The following LOX variants were observed in gnomAD, a reference collection of about 807,000 sequenced individuals.
LOX encodes the protein protein-lysine 6-oxidase.
In LOX, 12 loss-of-function variants were observed where a neutral mutation model predicts 50.5. That is an observed-to-expected ratio of 0.24 (90% CI 0.15 to 0.38). LOX has a LOEUF of 0.38. Ranked by LOEUF, LOX falls within the 10% of genes least tolerant of loss-of-function variation. The pLI, the probability that LOX is intolerant of heterozygous loss-of-function variation, is 1.00. For missense variants in LOX, 504 were observed against 563.8 expected (o/e 0.89, Z 1.07); for synonymous variants, 254 against 230.6 (o/e 1.10, Z -0.92).
At chr5:122,068,942 C>T (rs371151482) in intron 6 of LOX, among the ~76,000 whole-genome samples, 7 of 151,970 alleles carry the variant, frequency 4.6e-5, no homozygotes, top group South Asian at 4.2e-4. Context: ...CGGTGGGGGT[C>T]GGGGGTTGGT....
intron 4 of LOX, among the ~76,000 whole-genome samples, chr5:122,071,189 T>G (rs933155833): frequency 8.1e-6 from 1 of 123,846 alleles, no homozygotes; most frequent in African/African-American, 3.6e-5. Flanking sequence ...TCGTAAACAT[T>G]TATATGTGTG....
chr5:122,070,373 TATAA>T (rs1314282194), intron 5 of LOX, 117 bp downstream of exon 5: 2 of 653,524 alleles, frequency 3.1e-6, no homozygotes, highest in African/African-American at 1.8e-5. Context: ...TTAGATTGTT[TATAA>T]ATAGTTTGAG....
chr5:122,077,891 G>C lies in LOX; in HGVS notation c.95C>G (p.Pro32Arg), dbSNP rs780762236. ...GCCCGGAGCCGCCGGCGGCTCGCGC[G>C]GGGGCTGCTGTTGGCCGGCGGCGGG... ...APPAAGQQQP[P>R]REPPAAPGAW... Residue 32 changes from proline to arginine, a missense_variant, in exon 1 of 7, where the codon CCG (proline) becomes CGG (arginine). Pro to Arg is a moderately radical substitution (Grantham distance 103). Around this residue, in one of 2 missense-constraint regions of LOX, gnomAD observed 398 missense variants for 365.8 expected, o/e 1.09. Transcript: ENST00000231004. The surrounding 1 kb of genome is among the most constrained non-coding windows in gnomAD (Gnocchi z 4.9). 27 of 1,527,574 alleles carry C rather than the reference G, an allele frequency of 1.8e-5. No individual in the cohort carries two copies. The highest frequency in any genetic ancestry group is 2.4e-5 in the Non-Finnish European group (27 of 1,145,388). The allele number at this position is 1,527,574 out of a possible 1,614,324, so 94.6% of individuals were successfully genotyped here.
intron 4 of LOX, 136 bp downstream of exon 4, chr5:122,073,877 T>A: frequency 2.6e-6 from 2 of 769,850 alleles, no homozygotes; most frequent in Admixed American, 4.6e-5. Flanking sequence ...TCTACAGTTT[T>A]CTTTGAGAAC....
rs1289994870 is a variant in LOX, at chr5:122,074,010, T to C, written c.1035+3A>G. 1 of 1,611,084 alleles carries C rather than the reference T, an allele frequency of 6.2e-7. No individual in the cohort carries two copies. Among genetic ancestry groups the C allele is most frequent in the Non-Finnish European group, 8.5e-7 (1 of 1,177,654 alleles). ...GGTTCTGGATTTCAGGGTGCCAACA[T>C]ACCTGTGTGTGTGCAGTACATGCAA... is the stretch of plus-strand genomic sequence containing the variant. On this transcript the variant is annotated splice_donor_region_variant and intron_variant, in intron 4 of 6. Transcript: ENST00000231004.
At chr5:122,070,354 T>G in intron 5 of LOX, 140 bp downstream of exon 5, 1 of 642,028 alleles carries the variant, frequency 1.6e-6, no homozygotes. Context: ...TAAGACAGAT[T>G]AGATTAGATT....
chr5:122,074,225 A>C, intron 3 of LOX, 56 bp from the exon 4 acceptor site: 2 of 1,477,294 alleles, frequency 1.4e-6, no homozygotes, highest in African/African-American at 1.4e-5. Flanking sequence ...GAAAGCAATG[A>C]AGATATTAAA....
In LOX at chr5:122,063,601, G is replaced by A. The variant is rs999743907; in HGVS notation, c.*3142C>T. On this transcript the variant is annotated 3_prime_UTR_variant, in exon 7 of 7. Transcript: ENST00000231004. ...AGCTAGGAATGAGACTTAACTCACT[G>A]ATTGAATATGTTGATTGTGAATATG... is the stretch of plus-strand genomic sequence containing the variant. 1.3e-5 allele frequency: 2 copies of A among 151,868 alleles called. No individual in the cohort carries two copies. Among genetic ancestry groups the A allele is most frequent in the Admixed American group, 6.6e-5 (1 of 15,214 alleles). The allele number at this position is 151,868 out of a possible 1,614,324, so 9.4% of individuals were successfully genotyped here.
In LOX at chr5:122,066,589, T is replaced by A; in HGVS notation, c.*154A>T. 1.8e-6 allele frequency: 1 copy of A among 570,562 alleles called. No individual in the cohort carries two copies. Among genetic ancestry groups the A allele is most frequent in the Non-Finnish European group, 3.2e-6 (1 of 312,508 alleles). 35.3% of individuals were successfully genotyped at this position (570,562 alleles called of 1,614,324 possible). A position where few individuals can be genotyped will look rare whatever the true frequency, so the allele number is the denominator to read the frequency against. Reference sequence around the variant, plus strand: ...GACTTAAGCGTTCAAAATCCAGTTATGTGCTTTGTTATTGAAAACAGTCCA... The same window carrying A: ...GACTTAAGCGTTCAAAATCCAGTTAAGTGCTTTGTTATTGAAAACAGTCCA... On this transcript the variant is annotated 3_prime_UTR_variant, in exon 7 of 7. Transcript: ENST00000231004.
chr5:122,064,840 A>G lies in LOX; in HGVS notation c.*1903T>C, dbSNP rs1452308247. The stretch of plus-strand genomic sequence containing the variant: ...ATTGTAAATGTGTCTTCTCCTATGT[A>G]TCCATGATGATATTGCCTAGTTTTT... On this transcript the variant is annotated 3_prime_UTR_variant, in exon 7 of 7. Transcript: ENST00000231004. 6.6e-6 allele frequency: 1 copy of G among 152,058 alleles called. No homozygotes were observed. The highest frequency in any genetic ancestry group is 1.5e-5 in the Non-Finnish European group (1 of 67,968). 9.4% of individuals were successfully genotyped at this position (152,058 alleles called of 1,614,324 possible).
At chr5:122,072,792 A>AG (rs1455633332) in intron 4 of LOX, among the ~76,000 whole-genome samples, 2 of 152,172 alleles carry the variant, frequency 1.3e-5, no homozygotes, top group African/African-American at 4.8e-5. Flanking sequence ...ACCCCAAAGA[A>AG]GGGGGGGAAC....
rs577482351 is a variant in LOX, at chr5:122,077,851, C to T, written c.135G>A (p.Gln45=). 1 of 1,544,662 alleles carries T rather than the reference C, an allele frequency of 6.5e-7. No homozygotes were observed. Among genetic ancestry groups the T allele is most frequent in the Non-Finnish European group, 8.7e-7 (1 of 1,150,318 alleles). The part of the protein sequence containing the change: ...PPAAPGAWRQ[Q]IQWENNGQVF... ...CCTGCCCGTTGTTCTCCCATTGGAT[C>T]TGCTGGCGCCAGGCGCCCGGAGCCG... Residue 45 remains glutamine, a synonymous_variant, in exon 1 of 7, where the codon CAG becomes CAA. Transcript: ENST00000231004. This position sits in a 1 kb window ranked among gnomAD's most constrained non-coding sequence, Gnocchi z 4.9.
chr5:122,069,827 T>G (rs1260143338), intron 6 of LOX: 1 of 517,982 alleles, frequency 1.9e-6, no homozygotes, highest in Non-Finnish European at 3.7e-6. Context: ...GTTTATGTCT[T>G]CTCCTGAAAA....
In LOX at chr5:122,077,763, C is replaced by G; in HGVS notation, c.223G>C (p.Ala75Pro). Residue 75 changes from alanine to proline, a missense_variant, in exon 1 of 7, where the codon GCC (alanine) becomes CCC (proline). Ala to Pro is a conservative substitution (Grantham distance 27, BLOSUM62 -1). Transcript: ENST00000231004. The surrounding 1 kb of genome is among the most constrained non-coding windows in gnomAD (Gnocchi z 4.9). ...QPQRRRDPGAAVPGAANASAQ... is the reference protein window; with the variant it reads ...QPQRRRDPGAPVPGAANASAQ... ...GAGGCGTTGGCTGCACCAGGGACGG[C>G]GGCGCCCGGGTCCCGGCGGCGCTGA... 1.3e-6 allele frequency: 2 copies of G among 1,552,408 alleles called. No individual in the cohort carries two copies. The highest frequency in any genetic ancestry group is 4.8e-5 in the East Asian group (2 of 41,692).
rs1254394102 is a variant in LOX at position 122,076,982 on chromosome 5, G to T, written c.651C>A (p.Ala217=). 8 of 1,613,672 alleles carry T rather than the reference G, an allele frequency of 5.0e-6. No individual in the cohort carries two copies. The highest frequency in any genetic ancestry group is 5.1e-6 in the Non-Finnish European group (6 of 1,179,970). Residue 217 remains alanine (A), a synonymous_variant, in exon 2 of 7, where the codon GCC becomes GCA. Coordinates refer to ENST00000231004, the MANE Select transcript of LOX (RefSeq NM_002317.7). ...TGGACGCCTGGATGTAGTAGGGGTC[G>T]GCCACCAGGTCTGGGAGACCTAAAC... is the stretch of plus-strand genomic sequence containing the variant. ...YFQYGLPDLV[A]DPYYIQASTY...
intron 6 of LOX, among the ~76,000 whole-genome samples, chr5:122,067,652 G>A (rs1442859508): frequency 6.6e-6 from 1 of 152,128 alleles, no homozygotes; most frequent in Non-Finnish European, 1.5e-5. Context: ...CTTCAGGGCT[G>A]TCTTCCATCT....
intron 3 of LOX, among the ~76,000 whole-genome samples, chr5:122,074,585 T>C (rs1179400749): frequency 1.3e-5 from 2 of 152,192 alleles, no homozygotes; most frequent in Non-Finnish European, 2.9e-5. Context: ...TTTTAAAAAA[T>C]TGAGTTCTCA....
intron 6 of LOX, among the ~76,000 whole-genome samples, chr5:122,067,605 A>G (rs1387213181): frequency 6.6e-6 from 1 of 152,108 alleles, no homozygotes; most frequent in Non-Finnish European, 1.5e-5. Flanking sequence ...AAAAAGCTTC[A>G]GCCTCCCACT....
chr5:122,066,878 ATGT>A (rs1212616519), intron 6 of LOX, 129 bp from the exon 7 acceptor site: 2 of 642,094 alleles, frequency 3.1e-6, no homozygotes, highest in African/African-American at 3.7e-5. Context: ...AGCAGCAATC[ATGT>A]TGTGAAATTA....
Sources: allele counts gnomAD v4.1 joint callset (sites outside exome capture counted in the v4.1 genomes callset), GRCh38; gene constraint gnomAD v4.1.1; regional missense constraint gnomAD v4.1.1; non-coding constraint Gnocchi (gnomAD v3.1); transcripts MANE v1.5; gene names NCBI Gene and HGNC (gene_info 2026-07-23, HGNC 2026-07-21).